RNF220: variants seen among roughly 807,000 people sequenced by gnomAD.
RNF220 encodes the protein ring finger protein 220, also known as E3 ubiquitin-protein ligase RNF220.
A neutral mutation model predicts 67.1 loss-of-function variants in RNF220; 7 were observed. The observed-to-expected ratio is 0.10, with a 90% CI of 0.06 to 0.20. The LOEUF (loss-of-function observed/expected upper bound fraction) is 0.20. RNF220 is among the 10% of genes least tolerant of loss of function. The pLI is 1.00. For synonymous variants in RNF220, 270 were observed against 283.2 expected, an observed-to-expected ratio of 0.95 and a Z score of 0.47; for missense variants, 565 against 740.3, an observed-to-expected ratio of 0.76 and a Z score of 2.75.
rs777829669 is a variant in RNF220, at chr1:44,437,396, G to A, written c.625+24674G>A. On this transcript the variant is annotated intron_variant, in intron 2 of 14. Coordinates refer to ENST00000361799, the MANE Select transcript of RNF220 (RefSeq NM_018150.4). ...TATATTCTAAAAACTGTTCCAACCA[G>A]CAGCTTTTAAATAAATAATTGTCAC... Among the ~76,000 whole-genome samples, 86 of 152,294 alleles carry A rather than the reference G, an allele frequency of 5.6e-4. 1 individual carries two copies. Among genetic ancestry groups the A allele is most frequent in the Admixed American group, 3.7e-3 (57 of 15,298 alleles).
chr1:44,625,740 A>G (rs1643919161), intron 4 of RNF220, among the ~76,000 whole-genome samples: 1 of 152,052 alleles, frequency 6.6e-6, no homozygotes, highest in Non-Finnish European at 1.5e-5. Context: ...AGGCGTATGT[A>G]GAAGAGGCCA....
chr1:44,644,566 TA>T (rs143953146), intron 8 of RNF220, 131 bp from the exon 9 acceptor site: 16,203 of 651,644 alleles, frequency 0.025, 635 homozygotes, highest in Admixed American at 0.1. Flanking sequence ...TATCTGGCTC[TA>T]TACATCCCAG....
At chr1:44,456,989 C>G (rs1031531646) in intron 2 of RNF220, among the ~76,000 whole-genome samples, 1 of 152,120 alleles carries the variant, frequency 6.6e-6, no homozygotes, top group Non-Finnish European at 1.5e-5. Context: ...ACCCCTCCTG[C>G]TCCTACCTAT....
intron 2 of RNF220, among the ~76,000 whole-genome samples, chr1:44,567,735 T>C (rs1664129620): frequency 6.6e-6 from 1 of 152,154 alleles, no homozygotes; most frequent in Non-Finnish European, 1.5e-5. Context: ...ATTCATTCGC[T>C]TGCTCACTCA....
intron 3 of RNF220, among the ~76,000 whole-genome samples, chr1:44,617,240 T>C (rs1457760578): frequency 2.0e-5 from 3 of 151,832 alleles, no homozygotes; most frequent in Non-Finnish European, 4.4e-5. Flanking sequence ...CGGCGACGGG[T>C]CGATGGTTTT....
intron 5 of RNF220, among the ~76,000 whole-genome samples, chr1:44,630,938 T>A (rs1190545054): frequency 6.6e-6 from 1 of 152,194 alleles, no homozygotes; most frequent in Non-Finnish European, 1.5e-5. Flanking sequence ...AATAGAAAGA[T>A]CACATTGTGT....
intron 2 of RNF220, among the ~76,000 whole-genome samples, chr1:44,419,021 C>T (rs924481303): frequency 2.0e-5 from 3 of 152,104 alleles, no homozygotes; most frequent in Non-Finnish European, 4.4e-5. Flanking sequence ...GTAAAATCCA[C>T]AGGATTTTTA....
At chr1:44,423,985 GT>G (rs1649487694) in intron 2 of RNF220, 1 of 985,282 alleles carries the variant, frequency 1.0e-6, no homozygotes, top group African/African-American at 1.7e-5. Context: ...CCCCGCTGTG[GT>G]TTTCCTTCCC....
chr1:44,626,298 CCCT>C lies in RNF220; in HGVS notation c.810_812del (p.Leu272del), dbSNP rs752314147. ...CACATGTCTTTTTTCTTCTTCCAGTCCCTCCTGTTGTCTGCTTCCATCAAGAGG... is the reference window on the plus strand; with the variant it reads ...CACATGTCTTTTTTCTTCTTCCAGTCCCTGTTGTCTGCTTCCATCAAGAGG... On this transcript the variant is annotated inframe_deletion and splice_region_variant, in exon 5 of 15. Transcript: ENST00000361799. The C allele has an allele frequency of 6.2e-7, 1 of 1,613,388 alleles. No individual in the cohort carries two copies.
chr1:44,475,838 C>G (rs1655251996), intron 2 of RNF220, among the ~76,000 whole-genome samples: 1 of 151,054 alleles, frequency 6.6e-6, no homozygotes, highest in Admixed American at 6.6e-5. Flanking sequence ...ATGGTGAAAC[C>G]CTGTCTCTAT....
intron 2 of RNF220, among the ~76,000 whole-genome samples, chr1:44,504,012 G>A (rs1658183083): frequency 6.6e-6 from 1 of 152,156 alleles, no homozygotes; most frequent in Non-Finnish European, 1.5e-5. Flanking sequence ...ACCATGCCCA[G>A]CTAATTGTTT....
At chr1:44,541,300 C>T (rs1283524837) in intron 2 of RNF220, among the ~76,000 whole-genome samples, 1 of 152,156 alleles carries the variant, frequency 6.6e-6, no homozygotes, top group Non-Finnish European at 1.5e-5. Context: ...TGGTGGCACA[C>T]ACCTGTAGTC....
intron 2 of RNF220, among the ~76,000 whole-genome samples, chr1:44,488,076 T>TC (rs1656487893): frequency 1.3e-5 from 2 of 150,384 alleles, no homozygotes; most frequent in Non-Finnish European, 3.0e-5. Context: ...GCTCAGGTGA[T>TC]CCTTCTGCCT....
At chr1:44,494,604 A>T (rs1657164487) in intron 2 of RNF220, among the ~76,000 whole-genome samples, 1 of 152,156 alleles carries the variant, frequency 6.6e-6, no homozygotes, top group Admixed American at 6.5e-5. Context: ...AAAAGAAAAA[A>T]AAAAGATACA....
At chr1:44,550,018 G>A (rs1214332757) in intron 2 of RNF220, among the ~76,000 whole-genome samples, 8 of 152,232 alleles carry the variant, frequency 5.3e-5, no homozygotes, top group Non-Finnish European at 1.2e-4. Context: ...GCAGCTCTGC[G>A]AGGACCTAGA....
At chr1:44,502,235 C>A (rs1657995058) in intron 2 of RNF220, among the ~76,000 whole-genome samples, 2 of 152,008 alleles carry the variant, frequency 1.3e-5, no homozygotes, top group South Asian at 4.2e-4. Context: ...GCTAAGGCTG[C>A]CGCATGATCC....
chr1:44,560,714 AC>A (rs1663502091), intron 2 of RNF220, among the ~76,000 whole-genome samples: 1 of 152,132 alleles, frequency 6.6e-6, no homozygotes, highest in Non-Finnish European at 1.5e-5. Flanking sequence ...GGTGTATGCC[AC>A]CACACCCAGA....
chr1:44,632,752 C>G (rs969976814), intron 6 of RNF220: 14 of 350,978 alleles, frequency 4.0e-5, no homozygotes, highest in Middle Eastern at 8.9e-4. Context: ...GTTTTTCTTC[C>G]AGTTTTTAAT....
At chr1:44,414,657 G>T (rs1447254101) in intron 2 of RNF220, among the ~76,000 whole-genome samples, 1 of 152,146 alleles carries the variant, frequency 6.6e-6, no homozygotes, top group African/African-American at 2.4e-5. Flanking sequence ...CCTGGGTGGA[G>T]AAAAATTAAA....
Sources: allele counts gnomAD v4.1 joint callset (sites outside exome capture counted in the v4.1 genomes callset), GRCh38; gene constraint gnomAD v4.1.1; transcripts MANE v1.5; gene names NCBI Gene and HGNC (gene_info 2026-07-23, HGNC 2026-07-21).